The following ERBIN variants were observed in gnomAD, a reference collection of about 807,000 sequenced individuals.
ERBIN encodes densin-180-like protein.
ERBIN carries 60 observed loss-of-function variants against 158.4 expected under a neutral mutation model. The ratio of observed to expected loss-of-function variants is 0.38; its 90% CI spans 0.31 to 0.47. ERBIN has a LOEUF of 0.47. ERBIN is among the 20% of genes least tolerant of loss of function. The pLI, the probability that ERBIN is intolerant of heterozygous loss-of-function variation, is 0.99. For synonymous variants in ERBIN, 594 were observed against 557.2 expected (o/e 1.07, Z -0.93); for missense variants, 1,610 against 1,648.0 (o/e 0.98, Z 0.40).
At chr5:66,071,193 C>G (rs1349411495) in intron 21 of ERBIN, among the ~76,000 whole-genome samples, 1 of 152,022 alleles carries the variant, frequency 6.6e-6, no homozygotes, top group African/African-American at 2.4e-5. Context: ...GCCTCTTCCC[C>G]CTCCCCGCCT....
rs753574124 is a variant in ERBIN at position 66,072,182 on chromosome 5, C to T, written c.3647C>T (p.Thr1216Ile). 25 of 1,549,702 alleles carry T rather than the reference C, an allele frequency of 1.6e-5. No individual in the cohort carries two copies. The highest frequency in any genetic ancestry group is 1.1e-5 in the Non-Finnish European group (13 of 1,146,608). ...AKKLEKKHPQ[T>I]SSSGDPCQDG... ...CCTGCTCATTAGAAGCATCCCCAGA[C>T]ATCCAGTTCAGGAGATCCTTGTCAA... Residue 1216 changes from threonine to isoleucine, a missense_variant, in exon 22 of 26, where the codon ACA (threonine) becomes ATA (isoleucine). By Grantham distance (89) the Thr-to-Ile change is moderately conservative (BLOSUM62 -1). Transcript: ENST00000284037.
At chr5:66,014,802 ATTACCT>A in intron 7 of ERBIN, 77 bp downstream of exon 7, 1 of 660,118 alleles carries the variant, frequency 1.5e-6, no homozygotes, top group Non-Finnish European at 2.4e-6. Context: ...GTAAATTTTT[ATTACCT>A]AAAATGTGGT....
chr5:66,050,708 A>G, intron 19 of ERBIN, 75 bp from the exon 20 acceptor site: 7 of 949,974 alleles, frequency 7.4e-6, no homozygotes, highest in Non-Finnish European at 1.1e-5. Context: ...TATAATTGCC[A>G]TTTGTCATCA....
intron 3 of ERBIN, among the ~76,000 whole-genome samples, chr5:65,994,491 C>G (rs1413578876): frequency 1.3e-5 from 2 of 152,026 alleles, no homozygotes; most frequent in Non-Finnish European, 2.9e-5. Context: ...TTTACTAACT[C>G]AACAGAGGAT....
At chr5:65,977,568 G>C (rs1398056145) in intron 1 of ERBIN, among the ~76,000 whole-genome samples, 3 of 151,794 alleles carry the variant, frequency 2.0e-5, no homozygotes, top group African/African-American at 4.8e-5. Context: ...GGGCGGCCGG[G>C]CAGAGACGCT....
chr5:66,010,500 G>A (rs1423428022), intron 4 of ERBIN, among the ~76,000 whole-genome samples: 2 of 151,986 alleles, frequency 1.3e-5, no homozygotes, highest in African/African-American at 2.4e-5. Context: ...TTAATACCCT[G>A]TTTTTCATCA....
chr5:66,069,109 G>C (rs907203657), intron 21 of ERBIN: 3 of 1,231,426 alleles, frequency 2.4e-6, no homozygotes, highest in African/African-American at 1.5e-5. Flanking sequence ...GAAAAAAAAT[G>C]TTTACTCTGG....
intron 1 of ERBIN, among the ~76,000 whole-genome samples, chr5:65,932,600 A>G (rs74687702): frequency 3.3e-5 from 5 of 152,194 alleles, no homozygotes; most frequent in Admixed American, 6.5e-5. Context: ...CTGCACTTCA[A>G]GAACTTAGGT....
At chr5:66,044,056 G>T in intron 16 of ERBIN, 81 bp from the exon 17 acceptor site, 1 of 1,031,792 alleles carries the variant, frequency 9.7e-7, no homozygotes. Context: ...ATGTAATTCA[G>T]ATGGGTTACA....
chr5:66,052,704 C>G (rs1759169387), intron 20 of ERBIN, among the ~76,000 whole-genome samples: 1 of 152,058 alleles, frequency 6.6e-6, no homozygotes, highest in South Asian at 2.1e-4. Flanking sequence ...CAAGAGGACA[C>G]AAATACTTAA....
At chr5:65,987,064 C>T (rs1751311688) in intron 1 of ERBIN, among the ~76,000 whole-genome samples, 1 of 152,132 alleles carries the variant, frequency 6.6e-6, no homozygotes, top group Admixed American at 6.5e-5. Context: ...GATGTATTTG[C>T]TCCCTTTTAT....
intron 1 of ERBIN, among the ~76,000 whole-genome samples, chr5:65,947,340 C>T (rs1418412806): frequency 2.0e-5 from 3 of 152,160 alleles, no homozygotes; most frequent in African/African-American, 7.2e-5. Context: ...AGAGATTCTC[C>T]TGCCTCCGTC....
chr5:66,069,340 A>G (rs1325661181), intron 21 of ERBIN, among the ~76,000 whole-genome samples: 1 of 152,218 alleles, frequency 6.6e-6, no homozygotes, highest in Non-Finnish European at 1.5e-5. Context: ...TCTATTCCTA[A>G]GGATTTTAAG....
chr5:66,021,377 A>C lies in ERBIN; in HGVS notation c.589A>C (p.Thr197Pro). ...ACTGGATTTGGGAAGTAACGAATTC[A>C]CGGAAGTGGTAAGTTCTCATCAGTC... Reference protein sequence around the residue: ...ERLDLGSNEFTEVPEVLEQLS... With the variant: ...ERLDLGSNEFPEVPEVLEQLS... The change falls in exon 8 of 26, where the codon ACG becomes CCG. Residue 197 changes from threonine to proline, a missense_variant. Thr to Pro is a conservative substitution (Grantham distance 38). Around this residue, in one of 2 missense-constraint regions of ERBIN, gnomAD observed 596 missense variants for 711.9 expected, o/e 0.84. Transcript: ENST00000284037. 6.2e-7 allele frequency: 1 copy of C among 1,600,650 alleles called. No homozygotes were observed.
Position 65,994,810 on chromosome 5 carries a change from C to T in ERBIN, c.253C>T (p.Pro85Ser). 1.9e-6 allele frequency: 3 copies of T among 1,609,020 alleles called. No individual in the cohort carries two copies. Among genetic ancestry groups the T allele is most frequent in the Non-Finnish European group, 2.5e-6 (3 of 1,178,548 alleles). Reference sequence around the variant, plus strand: ...GCCAGACAATGATTTAACAACGTTACCAGCATCCATTGCAAACCTTATTAA... The same window carrying T: ...GCCAGACAATGATTTAACAACGTTATCAGCATCCATTGCAAACCTTATTAA... The part of the protein sequence containing the change: ...SLPDNDLTTL[P>S]ASIANLINLR... The change falls in exon 4 of 26, where the codon CCA becomes TCA. Residue 85 changes from proline (P) to serine (S), a missense_variant. By Grantham distance (74) the Pro-to-Ser change is moderately conservative. Coordinates refer to ENST00000284037, the MANE Select transcript of ERBIN (RefSeq NM_001253697.2).
At chr5:66,058,848 A>G (rs926134971) in intron 21 of ERBIN, among the ~76,000 whole-genome samples, 2 of 151,918 alleles carry the variant, frequency 1.3e-5, no homozygotes, top group African/African-American at 4.8e-5. Context: ...ATAGTTGTAG[A>G]TATGCGGCAT....
In ERBIN at chr5:66,054,657, G is replaced by T; in HGVS notation, c.3339G>T (p.Ala1113=). The change falls in exon 21 of 26, where the codon GCG becomes GCT. Residue 1113 remains alanine, a synonymous_variant. Transcript: ENST00000284037. ...DYLSYREFHS[A]GRTPPMMPGS... ...TATCATACAGAGAGTTCCACTCAGCGGGAAGAACTCCTCCAATGATGCCAG... is the reference window on the plus strand; with the variant it reads ...TATCATACAGAGAGTTCCACTCAGCTGGAAGAACTCCTCCAATGATGCCAG... 1 of 1,614,046 alleles carries T rather than the reference G, an allele frequency of 6.2e-7. No homozygotes were observed. Among genetic ancestry groups the T allele is most frequent in the East Asian group, 2.2e-5 (1 of 44,872 alleles).
intron 15 of ERBIN, 148 bp from the exon 16 acceptor site, chr5:66,042,929 T>G: frequency 1.8e-6 from 1 of 566,818 alleles, no homozygotes. Flanking sequence ...GGCCAACGCA[T>G]TAGGATTTCT....
chr5:66,009,200 T>C (rs886532740), intron 4 of ERBIN, among the ~76,000 whole-genome samples: 3 of 152,204 alleles, frequency 2.0e-5, no homozygotes, highest in Admixed American at 1.3e-4. Context: ...TTGAAAAATA[T>C]TTAGTCAGTT....
Sources: allele counts gnomAD v4.1 joint callset (sites outside exome capture counted in the v4.1 genomes callset), GRCh38; gene constraint gnomAD v4.1.1; regional missense constraint gnomAD v4.1.1; transcripts MANE v1.5; gene names NCBI Gene and HGNC (gene_info 2026-07-23, HGNC 2026-07-21).